SLMAP: variants seen among roughly 807,000 people sequenced by gnomAD.
SLMAP encodes the protein sarcolemmal membrane-associated protein.
A neutral mutation model predicts 128.8 loss-of-function variants in SLMAP; 44 were observed. That is an observed-to-expected ratio of 0.34 (90% CI 0.27 to 0.44). The LOEUF is 0.44. SLMAP is among the 20% of genes least tolerant of loss of function. The pLI is 1.00. For synonymous variants in SLMAP, 327 were observed against 348.8 expected (o/e 0.94, Z 0.70); for missense variants, 787 against 985.3 (o/e 0.80, Z 2.69).
intron 6 of SLMAP, among the ~76,000 whole-genome samples, chr3:57,850,927 G>A (rs960383414): frequency 3.9e-5 from 6 of 152,152 alleles, no homozygotes; most frequent in Middle Eastern, 3.2e-3. Flanking sequence ...GAGCCATGGC[G>A]CCCGGCCCAT....
chr3:57,921,298 A>G (rs772409245), intron 22 of SLMAP, among the ~76,000 whole-genome samples: 14 of 152,182 alleles, frequency 9.2e-5, no homozygotes, highest in Non-Finnish European at 1.3e-4. Context: ...TGTTTTCCAG[A>G]ACAGAAAATG....
chr3:57,869,162 T>G (rs1366666088), intron 13 of SLMAP, among the ~76,000 whole-genome samples: 2 of 149,828 alleles, frequency 1.3e-5, no homozygotes, highest in Non-Finnish European at 2.9e-5. Flanking sequence ...GTTCCAAAAC[T>G]GAAGAACTTG....
At chr3:57,819,948 C>G (rs1027539897) in intron 2 of SLMAP, among the ~76,000 whole-genome samples, 2 of 151,994 alleles carry the variant, frequency 1.3e-5, no homozygotes, top group Non-Finnish European at 1.5e-5. Flanking sequence ...GACAAGGTCT[C>G]ACCATGTTGC....
chr3:57,893,669 G>A (rs1274098539), intron 15 of SLMAP, among the ~76,000 whole-genome samples: 2 of 152,046 alleles, frequency 1.3e-5, no homozygotes, highest in Non-Finnish European at 2.9e-5. Context: ...ATCAGGGAGA[G>A]CTGTTTTCCT....
chr3:57,835,121 CAAAAAAA>C (rs60166193), intron 3 of SLMAP, among the ~76,000 whole-genome samples: 1 of 37,652 alleles, frequency 2.7e-5, no homozygotes, highest in Non-Finnish European at 4.5e-5. Flanking sequence ...GACCCTGTCT[CAAAAAAA>C]AAAAAAAAAA....
intron 2 of SLMAP, among the ~76,000 whole-genome samples, chr3:57,763,139 A>C (rs1370941938): frequency 6.6e-6 from 1 of 152,140 alleles, no homozygotes; most frequent in African/African-American, 2.4e-5. Flanking sequence ...GGATGGCCCT[A>C]TTTGATTTGA....
intron 2 of SLMAP, among the ~76,000 whole-genome samples, chr3:57,761,776 G>A (rs1470645538): frequency 1.3e-5 from 2 of 151,714 alleles, no homozygotes; most frequent in Non-Finnish European, 2.9e-5. Flanking sequence ...GGCCGGGCGC[G>A]GTGGCTCACG....
chr3:57,860,964 G>C (rs915268994), intron 9 of SLMAP, 125 bp downstream of exon 9: 1 of 784,608 alleles, frequency 1.3e-6, no homozygotes, highest in Admixed American at 3.7e-5. Flanking sequence ...TCTGTCAGGT[G>C]GGAAGGAACA....
intron 6 of SLMAP, among the ~76,000 whole-genome samples, chr3:57,850,936 A>G (rs1358119924): frequency 6.6e-6 from 1 of 152,226 alleles, no homozygotes; most frequent in Non-Finnish European, 1.5e-5. Context: ...CGCCCGGCCC[A>G]TAGATGACTT....
chr3:57,850,913 G>A (rs747818509), intron 6 of SLMAP, among the ~76,000 whole-genome samples: 4 of 152,152 alleles, frequency 2.6e-5, no homozygotes, highest in Non-Finnish European at 5.9e-5. Flanking sequence ...GGGATTACAG[G>A]CATGAGCCAT....
At chr3:57,766,870 C>T (rs2079840850) in intron 2 of SLMAP, among the ~76,000 whole-genome samples, 1 of 152,028 alleles carries the variant, frequency 6.6e-6, no homozygotes, top group Non-Finnish European at 1.5e-5. Flanking sequence ...TTCCTCTATA[C>T]TTCCATTTAA....
chr3:57,860,219 T>C (rs2094981559), intron 8 of SLMAP, among the ~76,000 whole-genome samples: 1 of 152,146 alleles, frequency 6.6e-6, no homozygotes, highest in Non-Finnish European at 1.5e-5. Flanking sequence ...GTCTTCAGAG[T>C]GATAGCTTCA....
chr3:57,758,843 T>C (rs1294596146), intron 2 of SLMAP, among the ~76,000 whole-genome samples: 1 of 152,240 alleles, frequency 6.6e-6, no homozygotes, highest in Non-Finnish European at 1.5e-5. Flanking sequence ...GGTTTTTAGC[T>C]GAGCTACTGA....
chr3:57,868,690 G>T (rs2095372287), intron 13 of SLMAP, among the ~76,000 whole-genome samples: 1 of 150,434 alleles, frequency 6.6e-6, no homozygotes, highest in African/African-American at 2.4e-5. Context: ...TTGTGCCACT[G>T]TACTCCAGCC....
chr3:57,831,638 A>T, intron 3 of SLMAP, 108 bp downstream of exon 3: 1 of 727,164 alleles, frequency 1.4e-6, no homozygotes, highest in Non-Finnish European at 2.1e-6. Flanking sequence ...AAGCGATTTA[A>T]ATACAGCATT....
At chr3:57,776,637 C>G (rs2082013597) in intron 2 of SLMAP, among the ~76,000 whole-genome samples, 1 of 151,182 alleles carries the variant, frequency 6.6e-6, no homozygotes, top group Non-Finnish European at 1.5e-5. Flanking sequence ...AGTGATTCTC[C>G]AGCCTCAGCC....
At chr3:57,896,736 A>T in intron 16 of SLMAP, 137 bp from the exon 17 acceptor site, 1 of 1,316,208 alleles carries the variant, frequency 7.6e-7, no homozygotes, top group Non-Finnish European at 1.0e-6. Flanking sequence ...TGAATGCTGG[A>T]TATTTTGTTA....
At chr3:57,785,947 C>T (rs2083997174) in intron 2 of SLMAP, among the ~76,000 whole-genome samples, 1 of 152,152 alleles carries the variant, frequency 6.6e-6, no homozygotes, top group African/African-American at 2.4e-5. Flanking sequence ...TATCAGTCTT[C>T]TACTACTAAG....
rs1208883036 is a variant in SLMAP, at chr3:57,907,391, CA to C, written c.1502-492del. On this transcript the variant is annotated intron_variant, in intron 17 of 24. Coordinates refer to ENST00000671191, the MANE Select transcript of SLMAP (RefSeq NM_001377540.1). ...GACAAAGTAGGCTCAGTAGAGCTTT[CA>C]GCCTAGTTTTTATTTTGTGTTCCAC... is the stretch of plus-strand genomic sequence containing the variant. Among the ~76,000 whole-genome samples the C allele has an allele frequency of 4.6e-5, 7 of 152,292 alleles. No homozygotes were observed. In the South Asian group the frequency reaches 6.2e-4, roughly 14 times the overall value.
Sources: allele counts gnomAD v4.1 joint callset (sites outside exome capture counted in the v4.1 genomes callset), GRCh38; gene constraint gnomAD v4.1.1; transcripts MANE v1.5; gene names NCBI Gene and HGNC (gene_info 2026-07-23, HGNC 2026-07-21).